The following HOXC5 variants were observed in gnomAD, a reference collection of about 807,000 sequenced individuals.
HOXC5 encodes homeobox protein Hox-C5.
HOXC5 carries 19 observed loss-of-function variants against 20.1 expected under a neutral mutation model. That is an observed-to-expected ratio of 0.94 (90% CI 0.66 to 1.38). The LOEUF is 1.38. Among genes scored for constraint, HOXC5 ranks in the 40% most tolerant of loss-of-function variants. The pLI is 0.00. For missense variants in HOXC5, 330 were observed against 300.1 expected (o/e 1.10, Z -0.74); for synonymous variants, 124 against 117.0 (o/e 1.06, Z -0.39).
At position 54,033,423 on chromosome 12, in the gene HOXC5, C is replaced by G. The variant is rs755488404; in HGVS notation, c.301C>G (p.Gln101Glu). ...AAPLNPGMYS[Q>E]KAARPALEER... is the part of the protein sequence containing the mutation. ...TCCTCTGAACCCCGGGATGTACAGT[C>G]AGAAGGCGGCTCGCCCGGCGCTGGA... Residue 101 changes from glutamine to glutamate, a missense_variant, in exon 1 of 2, where the codon CAG becomes GAG. Gln to Glu is a conservative substitution (Grantham distance 29). Transcript: ENST00000312492. 14 of 1,606,424 alleles carry G rather than the reference C, an allele frequency of 8.7e-6. No homozygotes were observed. Among genetic ancestry groups the G allele is most frequent in the Non-Finnish European group, 1.2e-5 (14 of 1,177,176 alleles).
upstream of HOXC5, chr12:54,028,822 G>C: frequency 6.2e-7 from 1 of 1,614,056 alleles, no homozygotes; most frequent in Non-Finnish European, 8.5e-7. Flanking sequence ...GACCTCAATC[G>C]CTCAGGATTT....
At chr12:54,030,197 C>T, upstream of HOXC5, 1 of 457,280 alleles carries the variant, frequency 2.2e-6, no homozygotes. Flanking sequence ...TCGTTCTCGG[C>T]TTGTCTACAG....
chr12:54,019,146 G>A, the HOXC5 span, among the ~76,000 whole-genome samples: 2 of 150,268 alleles, frequency 1.3e-5, no homozygotes, highest in African/African-American at 2.5e-5. Flanking sequence ...TCTCCCGCGG[G>A]AAGAAATGGC....
chr12:54,028,989 A>T (rs1940859013), upstream of HOXC5: 1 of 1,471,716 alleles, frequency 6.8e-7, no homozygotes, highest in African/African-American at 1.4e-5. Flanking sequence ...CTTCCCTAGA[A>T]GAACGGGCGG....
upstream of HOXC5, among the ~76,000 whole-genome samples, chr12:54,029,218 G>C (rs1393683728): frequency 6.6e-6 from 1 of 152,170 alleles, no homozygotes; most frequent in African/African-American, 2.4e-5. Flanking sequence ...CCAAAGTGGA[G>C]TCAGTCTGAG....
At chr12:54,032,795 CTT>C (rs113659413), upstream of HOXC5, 7 of 157,112 alleles carry the variant, frequency 4.5e-5, no homozygotes, top group South Asian at 1.9e-4. Context: ...TTCCAAGAAC[CTT>C]TTTTTTTTTT....
intron 1 of HOXC5, 78 bp from the exon 2 acceptor site, chr12:54,034,200 G>A (rs1941110892): frequency 3.7e-6 from 5 of 1,339,484 alleles, no homozygotes; most frequent in South Asian, 3.5e-5. Context: ...GCGGGTGGGG[G>A]CCTGGGCTGG....
At chr12:54,031,030 G>A (rs1274530658), upstream of HOXC5, among the ~76,000 whole-genome samples, 3 of 152,232 alleles carry the variant, frequency 2.0e-5, no homozygotes, top group Non-Finnish European at 4.4e-5. Flanking sequence ...CTCCCTGCGC[G>A]GAGCAACACA....
At position 54,034,713 on chromosome 12, in the gene HOXC5, C is replaced by T; in HGVS notation, c.*221C>T. On this transcript the variant is annotated 3_prime_UTR_variant, in exon 2 of 2. Coordinates refer to ENST00000312492, the MANE Select transcript of HOXC5 (RefSeq NM_018953.4). ...GCTGCCCCATCTCCCCTCAGCTCGGCTCAGCTCGGTACCCGGGGCCCAGGG... is the reference window on the plus strand; with the variant it reads ...GCTGCCCCATCTCCCCTCAGCTCGGTTCAGCTCGGTACCCGGGGCCCAGGG... 3.6e-6 allele frequency: 2 copies of T among 548,946 alleles called. No homozygotes were observed. The highest frequency in any genetic ancestry group is 3.3e-6 in the Non-Finnish European group (1 of 305,858). The allele number at this position is 548,946 out of a possible 1,614,324, so 34.0% of individuals were successfully genotyped here. A position where few individuals can be genotyped will look rare whatever the true frequency, so the allele number is the denominator to read the frequency against.
chr12:54,028,640 A>T (rs937430830), upstream of HOXC5: 1 of 1,613,958 alleles, frequency 6.2e-7, no homozygotes, highest in Non-Finnish European at 8.5e-7. Flanking sequence ...TTCTCGACCT[A>T]TGGAGCGGCC....
upstream of HOXC5, chr12:54,030,926 C>A (rs1940962173): frequency 6.6e-6 from 1 of 152,342 alleles, no homozygotes; most frequent in Non-Finnish European, 1.5e-5. Context: ...AGCCCCCAGC[C>A]CTCTGCACTC....
chr12:54,032,622 A>G (rs567135680), upstream of HOXC5, among the ~76,000 whole-genome samples: 1 of 152,264 alleles, frequency 6.6e-6, no homozygotes, highest in South Asian at 2.1e-4. Context: ...TCCCAATTTT[A>G]AATAGAATTT....
chr12:54,026,939 C>CA, the HOXC5 span, among the ~76,000 whole-genome samples: 1 of 141,674 alleles, frequency 7.1e-6, no homozygotes. Flanking sequence ...CCAGCTTTCC[C>CA]CCCCCCCAAC....
intron 1 of HOXC5, 35 bp from the exon 2 acceptor site, chr12:54,034,243 C>G: frequency 6.4e-7 from 1 of 1,574,574 alleles, no homozygotes; most frequent in Non-Finnish European, 8.7e-7. Context: ...AAGCTATTCA[C>G]CCCTTCCTGG....
At chr12:54,029,151 G>A (rs1940868596), upstream of HOXC5, among the ~76,000 whole-genome samples, 1 of 152,186 alleles carries the variant, frequency 6.6e-6, no homozygotes, top group Admixed American at 6.5e-5. Context: ...AAGGCGGGCT[G>A]AGGGGGCAGG....
At chr12:54,019,204 T>A in the HOXC5 span, among the ~76,000 whole-genome samples, 1 of 115,074 alleles carries the variant, frequency 8.7e-6, no homozygotes, top group Non-Finnish European at 1.7e-5. Context: ...AGGACTTGTG[T>A]GTCGGCAGAG....
chr12:54,028,513 G>A, upstream of HOXC5: 1 of 1,612,598 alleles, frequency 6.2e-7, no homozygotes, highest in Non-Finnish European at 8.5e-7. Context: ...ACCAGGTAAA[G>A]GCAAAGGGAT....
chr12:54,032,408 G>A (rs1037695843), upstream of HOXC5, among the ~76,000 whole-genome samples: 1 of 152,328 alleles, frequency 6.6e-6, no homozygotes, highest in African/African-American at 2.4e-5. Flanking sequence ...GAGCCTTAGG[G>A]CCTGAGAGGC....
At chr12:54,018,355 G>A in the HOXC5 span, among the ~76,000 whole-genome samples, 3 of 152,192 alleles carry the variant, frequency 2.0e-5, no homozygotes, top group Non-Finnish European at 4.4e-5. Context: ...TCGGGGGGAG[G>A]TGGAAATGGG....
Sources: gnomAD v4.1 joint callset for allele counts (sites outside exome capture counted in the v4.1 genomes callset) on GRCh38, gnomAD v4.1.1 for gene constraint, MANE v1.5 for transcripts, NCBI Gene and HGNC (gene_info 2026-07-23, HGNC 2026-07-21) for gene names.